CA10: variants seen among roughly 807,000 people sequenced by gnomAD.
CA10 encodes the protein carbonic anhydrase 10 (inactive), also known as carbonic anhydrase-related protein 10.
Under a neutral mutation model 44.2 loss-of-function variants are expected in CA10, and 14 were observed. That is an observed-to-expected ratio of 0.32 (90% CI 0.21 to 0.50). The LOEUF is 0.50. Ranked by LOEUF, CA10 falls within the 20% of genes least tolerant of loss-of-function variation. The probability of loss-of-function intolerance (pLI) is 0.99; values close to 1 mark genes in which losing one functional copy is unlikely to be tolerated. For missense variants in CA10, 350 were observed against 409.7 expected, an observed-to-expected ratio of 0.85 and a Z score of 1.26; for synonymous variants, 159 against 141.6, an observed-to-expected ratio of 1.12 and a Z score of -0.87.
intron 4 of CA10, among the ~76,000 whole-genome samples, chr17:51,658,899 T>C (rs1467059650): frequency 6.6e-6 from 1 of 152,114 alleles, no homozygotes; most frequent in Non-Finnish European, 1.5e-5. Flanking sequence ...TTGCAACTAT[T>C]CTCTTTGTGT....
chr17:51,939,297 C>T (rs1982987198), intron 2 of CA10, among the ~76,000 whole-genome samples: 1 of 152,122 alleles, frequency 6.6e-6, no homozygotes, highest in Non-Finnish European at 1.5e-5. Context: ...TTTTCTCAAT[C>T]ATTCCCTAGA....
chr17:52,120,416 TTATCCTTATCCTTATC>T (rs1470522033), intron 1 of CA10, among the ~76,000 whole-genome samples: 1 of 26,092 alleles, frequency 3.8e-5, no homozygotes, highest in Non-Finnish European at 5.9e-5. Flanking sequence ...ATCCTTAACC[TTATCCTTATCCTTATC>T]CTTATCCTTA....
Position 52,007,584 on chromosome 17 carries a change from A to G in CA10, c.136+64735T>C, listed in dbSNP as rs570935619. 2.0e-4 allele frequency among the ~76,000 whole-genome samples: 30 copies of G among 151,750 alleles called. No individual in the cohort carries two copies. In the East Asian group the frequency reaches 5.1e-3, roughly 26 times the overall value. Reference sequence around the variant, plus strand: ...GCCTATGGTCATATTCCTGGAAGAAAAAGACTTAAAAAATAGTTCAATGTA... The same window carrying G: ...GCCTATGGTCATATTCCTGGAAGAAGAAGACTTAAAAAATAGTTCAATGTA... On this transcript the variant is annotated intron_variant, in intron 2 of 8. Transcript: ENST00000451037.
At chr17:52,063,465 G>A (rs542984093) in intron 2 of CA10, among the ~76,000 whole-genome samples, 6 of 152,136 alleles carry the variant, frequency 3.9e-5, no homozygotes, top group East Asian at 1.9e-4. Context: ...AATTTGATTC[G>A]CAATGTTGCA....
intron 4 of CA10, among the ~76,000 whole-genome samples, chr17:51,664,121 G>T (rs1489326604): frequency 1.3e-5 from 2 of 152,030 alleles, no homozygotes; most frequent in African/African-American, 2.4e-5. Context: ...ATTAATAAAG[G>T]CTCGCTTTGT....
At chr17:51,745,174 C>T (rs1904632886) in intron 4 of CA10, among the ~76,000 whole-genome samples, 1 of 152,106 alleles carries the variant, frequency 6.6e-6, no homozygotes, top group Non-Finnish European at 1.5e-5. Flanking sequence ...CCCTTTTTAG[C>T]AGTGTGATTT....
chr17:51,773,611 C>A (rs527242387), intron 3 of CA10, among the ~76,000 whole-genome samples: 2 of 152,314 alleles, frequency 1.3e-5, no homozygotes, highest in Middle Eastern at 3.4e-3. Context: ...AACTGTTTAA[C>A]CAGCCCATGC....
intron 2 of CA10, among the ~76,000 whole-genome samples, chr17:52,019,894 G>A (rs1986081808): frequency 1.3e-5 from 2 of 151,656 alleles, no homozygotes; most frequent in African/African-American, 2.4e-5. Context: ...TAATATCACT[G>A]TGAAGAGATA....
At chr17:51,824,364 G>A (rs1224982854) in intron 3 of CA10, among the ~76,000 whole-genome samples, 1 of 152,160 alleles carries the variant, frequency 6.6e-6, no homozygotes, top group African/African-American at 2.4e-5. Context: ...GGATTGGCTG[G>A]TGTGGGGAAG....
Position 52,052,431 on chromosome 17 carries a change from T to C in CA10, c.136+19888A>G, listed in dbSNP as rs577061851. ...AACCAGTTTGGTATGAAAAGAGGAC[T>C]CACTTAGTTTTGGCTTATTATCATT... On this transcript the variant is annotated intron_variant, in intron 2 of 8. Transcript: ENST00000451037. 5.0e-4 allele frequency among the ~76,000 whole-genome samples: 76 copies of C among 152,022 alleles called. No individual in the cohort carries two copies. In the South Asian group the frequency reaches 8.3e-3, roughly 17 times the overall value.
intron 6 of CA10, among the ~76,000 whole-genome samples, chr17:51,647,673 T>G (rs1180456582): frequency 6.6e-6 from 1 of 152,194 alleles, no homozygotes; most frequent in Admixed American, 6.5e-5. Flanking sequence ...GTCTCTAAAT[T>G]GCAAATCCAA....
At chr17:51,941,493 G>A (rs189475921) in intron 2 of CA10, among the ~76,000 whole-genome samples, 2 of 152,242 alleles carry the variant, frequency 1.3e-5, no homozygotes, top group East Asian at 1.9e-4. Context: ...TTAGTTGATA[G>A]AAACTGGGAA....
At chr17:51,981,828 C>T (rs1984664455) in intron 2 of CA10, among the ~76,000 whole-genome samples, 1 of 151,894 alleles carries the variant, frequency 6.6e-6, no homozygotes, top group South Asian at 2.1e-4. Context: ...TGAAATTGGT[C>T]AGAACACTGG....
At chr17:52,054,459 C>CTGGTCCTG (rs1209123604) in intron 2 of CA10, among the ~76,000 whole-genome samples, 1 of 152,102 alleles carries the variant, frequency 6.6e-6, no homozygotes, top group Admixed American at 6.6e-5. Context: ...TAATTTCGCC[C>CTGGTCCTG]TGGTCCTGTG....
At chr17:51,966,111 T>A (rs1242867154) in intron 2 of CA10, among the ~76,000 whole-genome samples, 1 of 151,846 alleles carries the variant, frequency 6.6e-6, no homozygotes, top group Non-Finnish European at 1.5e-5. Context: ...TGTAATCTAA[T>A]TTGCAATAGC....
intron 6 of CA10, among the ~76,000 whole-genome samples, chr17:51,643,848 T>C (rs141695478): frequency 4.9e-4 from 74 of 152,350 alleles, no homozygotes; most frequent in Admixed American, 1.0e-3. Context: ...TGTTCAGGCA[T>C]TTGACTCATT....
chr17:51,988,623 T>C (rs1485551104), intron 2 of CA10, among the ~76,000 whole-genome samples: 9 of 151,942 alleles, frequency 5.9e-5, no homozygotes, highest in Non-Finnish European at 1.3e-4. Context: ...TTTTAAAGTA[T>C]TGGGTCCTTT....
intron 2 of CA10, among the ~76,000 whole-genome samples, chr17:51,954,489 G>A (rs535586984): frequency 6.6e-6 from 1 of 152,210 alleles, no homozygotes; most frequent in Non-Finnish European, 1.5e-5. Context: ...ATAAGCTTAG[G>A]ATTTGAATGG....
chr17:51,920,088 C>T (rs1982168776), intron 3 of CA10, among the ~76,000 whole-genome samples: 2 of 152,224 alleles, frequency 1.3e-5, no homozygotes, highest in African/African-American at 4.8e-5. Flanking sequence ...ATTAATTAAA[C>T]ATCTCAAGCT....
Sources: allele counts gnomAD v4.1 joint callset (sites outside exome capture counted in the v4.1 genomes callset), GRCh38; gene constraint gnomAD v4.1.1; transcripts MANE v1.5; gene names NCBI Gene and HGNC (gene_info 2026-07-23, HGNC 2026-07-21).